Variants in KIAA1328 observed in about 807,000 individuals in gnomAD.
The protein encoded by KIAA1328 is protein hinderin.
In KIAA1328, 52 loss-of-function variants were observed where a neutral mutation model predicts 68.1. That is an observed-to-expected ratio of 0.76 (90% CI 0.61 to 0.96). The LOEUF is 0.96. KIAA1328 is among the 40% of genes least tolerant of loss of function. The pLI, the probability that KIAA1328 is intolerant of heterozygous loss-of-function variation, is 0.00. For missense variants in KIAA1328, 641 were observed against 677.6 expected (o/e 0.95, Z 0.60); for synonymous variants, 232 against 239.4 (o/e 0.97, Z 0.28).
At chr18:37,168,944 C>T (rs1215312290) in intron 8 of KIAA1328, among the ~76,000 whole-genome samples, 2 of 146,942 alleles carry the variant, frequency 1.4e-5, no homozygotes, top group Non-Finnish European at 3.1e-5. Flanking sequence ...ACATTGAACT[C>T]TAAGAAAAAA....
At chr18:36,910,201 C>G (rs1342020716) in intron 5 of KIAA1328, among the ~76,000 whole-genome samples, 1 of 152,040 alleles carries the variant, frequency 6.6e-6, no homozygotes, top group Non-Finnish European at 1.5e-5. Context: ...TTGCCCATGC[C>G]TATGTCCTGA....
At chr18:37,035,799 G>T (rs2055002843) in intron 6 of KIAA1328, among the ~76,000 whole-genome samples, 1 of 152,140 alleles carries the variant, frequency 6.6e-6, no homozygotes, top group Admixed American at 6.5e-5. Context: ...CACAATAAAA[G>T]AGTCCTTTAA....
intron 5 of KIAA1328, among the ~76,000 whole-genome samples, chr18:36,895,163 G>T (rs113223411): frequency 2.0e-5 from 3 of 152,080 alleles, no homozygotes; most frequent in African/African-American, 7.2e-5. Flanking sequence ...CCTAACTTGC[G>T]TATCTTCTTA....
At chr18:36,925,622 C>G (rs1171864050) in intron 5 of KIAA1328, among the ~76,000 whole-genome samples, 1 of 151,796 alleles carries the variant, frequency 6.6e-6, no homozygotes, top group East Asian at 1.9e-4. Context: ...ACTGCAACCT[C>G]AACCTCCTGG....
intron 7 of KIAA1328, among the ~76,000 whole-genome samples, chr18:37,127,935 TA>T (rs895971956): frequency 6.6e-6 from 1 of 152,020 alleles, no homozygotes; most frequent in African/African-American, 2.4e-5. Flanking sequence ...TGATATTTTT[TA>T]AAACAAAAGT....
At chr18:37,024,295 C>T (rs2054469950) in intron 6 of KIAA1328, among the ~76,000 whole-genome samples, 1 of 151,646 alleles carries the variant, frequency 6.6e-6, no homozygotes, top group African/African-American at 2.4e-5. Context: ...GCCACCATGC[C>T]TGGCCTGTTA....
chr18:37,159,532 T>C (rs1459648005), intron 7 of KIAA1328, among the ~76,000 whole-genome samples: 2 of 152,216 alleles, frequency 1.3e-5, no homozygotes, highest in African/African-American at 4.8e-5. Flanking sequence ...TAACACATCA[T>C]TAGAATATTT....
intron 7 of KIAA1328, among the ~76,000 whole-genome samples, chr18:37,149,608 A>G (rs553466257): frequency 6.6e-6 from 1 of 152,180 alleles, no homozygotes; most frequent in Non-Finnish European, 1.5e-5. Context: ...TTGTAACACT[A>G]TGGTAAGTAT....
chr18:37,172,951 A>C (rs754968007), intron 8 of KIAA1328, 22 bp from the exon 9 acceptor site: 1 of 1,557,154 alleles, frequency 6.4e-7, no homozygotes, highest in Admixed American at 1.8e-5. Flanking sequence ...TGCCCAAATT[A>C]TTTTCTTTAT....
At chr18:36,868,588 A>C (rs530237566) in intron 4 of KIAA1328, among the ~76,000 whole-genome samples, 3 of 152,292 alleles carry the variant, frequency 2.0e-5, no homozygotes, top group Admixed American at 6.5e-5. Context: ...ATTGTACTGT[A>C]GACCTGGTCT....
chr18:37,226,428 G>C (rs377722328), downstream of KIAA1328, among the ~76,000 whole-genome samples: 1 of 151,988 alleles, frequency 6.6e-6, no homozygotes, highest in Admixed American at 6.6e-5. Context: ...TCATCACTCC[G>C]AAGAGAAACC....
rs1179606570 is a variant in KIAA1328 at position 36,840,459 on chromosome 18, T to C, written c.238-3749T>C. 2.4e-5 allele frequency among the ~76,000 whole-genome samples: 3 copies of C among 122,790 alleles called. No individual in the cohort carries two copies. In the Admixed American group the frequency reaches 2.7e-4, roughly 11 times the overall value. The allele number at this position is 122,790 out of a possible 152,430, so 80.6% of individuals were successfully genotyped here. Reference sequence around the variant, plus strand: ...TTCCATTGAAGAGCATGTCTTGTGATTTTTTTTTTTTTTTTTGACAGAGTC... The same window carrying C: ...TTCCATTGAAGAGCATGTCTTGTGACTTTTTTTTTTTTTTTTGACAGAGTC... On this transcript the variant is annotated intron_variant, in intron 3 of 9. Coordinates refer to ENST00000280020, the MANE Select transcript of KIAA1328 (RefSeq NM_020776.3).
intron 6 of KIAA1328, among the ~76,000 whole-genome samples, chr18:37,060,913 C>T (rs1372352370): frequency 6.6e-6 from 1 of 152,092 alleles, no homozygotes; most frequent in Non-Finnish European, 1.5e-5. Context: ...GTCAGGAGAT[C>T]GAGACCATCC....
chr18:37,125,784 G>A (rs323300), intron 7 of KIAA1328, among the ~76,000 whole-genome samples: 9,877 of 152,196 alleles, frequency 0.065, 1,061 homozygotes, highest in African/African-American at 0.22. Flanking sequence ...ATCAAGCAGA[G>A]AATTTTACAT....
At chr18:36,875,745 A>G (rs2048099979) in intron 4 of KIAA1328, among the ~76,000 whole-genome samples, 1 of 152,244 alleles carries the variant, frequency 6.6e-6, no homozygotes, top group East Asian at 1.9e-4. Flanking sequence ...TGTCTTGTGC[A>G]GGTTTTCAAA....
At chr18:37,036,429 G>A (rs17567885) in intron 6 of KIAA1328, among the ~76,000 whole-genome samples, 16,171 of 152,254 alleles carry the variant, frequency 0.11, 1,089 homozygotes, top group Non-Finnish European at 0.13. Flanking sequence ...CTTTATTGAA[G>A]TTGTGCCAGT....
At chr18:36,927,202 G>T (rs2050150085) in intron 5 of KIAA1328, among the ~76,000 whole-genome samples, 1 of 152,114 alleles carries the variant, frequency 6.6e-6, no homozygotes, top group South Asian at 2.1e-4. Context: ...TAACAATGTT[G>T]GTTTTTCAGG....
At chr18:36,962,336 C>G (rs1336824254) in intron 6 of KIAA1328, among the ~76,000 whole-genome samples, 2 of 152,042 alleles carry the variant, frequency 1.3e-5, no homozygotes, top group Non-Finnish European at 1.5e-5. Flanking sequence ...CCTTAAAGAC[C>G]TACAAAGGGA....
intron 7 of KIAA1328, among the ~76,000 whole-genome samples, chr18:37,095,571 A>G (rs181871676): frequency 1.1e-4 from 17 of 152,290 alleles, no homozygotes; most frequent in African/African-American, 3.4e-4. Flanking sequence ...GGGATACAGA[A>G]AAAGCCCTGC....
Sources: allele counts gnomAD v4.1 joint callset (sites outside exome capture counted in the v4.1 genomes callset), GRCh38; gene constraint gnomAD v4.1.1; transcripts MANE v1.5; gene names NCBI Gene and HGNC (gene_info 2026-07-23, HGNC 2026-07-21).